RALGPS1: variants seen among roughly 807,000 people sequenced by gnomAD.
RALGPS1 encodes ras-specific guanine nucleotide-releasing factor RalGPS1.
RALGPS1 carries 19 observed loss-of-function variants against 78.8 expected under a neutral mutation model. The observed-to-expected ratio is 0.24, with a 90% CI of 0.17 to 0.35. The LOEUF (loss-of-function observed/expected upper bound fraction) is 0.35. RALGPS1 is among the 10% of genes least tolerant of loss of function. The pLI is 1.00. For synonymous variants in RALGPS1, 228 were observed against 256.3 expected, an observed-to-expected ratio of 0.89 and a Z score of 1.06; for missense variants, 454 against 688.3, an observed-to-expected ratio of 0.66 and a Z score of 3.81.
intron 13 of RALGPS1, among the ~76,000 whole-genome samples, chr9:127,198,550 T>C (rs2061458024): frequency 6.6e-6 from 1 of 152,114 alleles, no homozygotes; most frequent in African/African-American, 2.4e-5. Context: ...CTGCAGGGGC[T>C]CTCCCTTGAG....
chr9:126,943,446 T>A (rs2036965647), intron 1 of RALGPS1, among the ~76,000 whole-genome samples: 1 of 152,178 alleles, frequency 6.6e-6, no homozygotes, highest in Admixed American at 6.5e-5. Context: ...CCTGGCCTTA[T>A]GTTTTATTTA....
chr9:127,057,184 G>T (rs2048815331), intron 7 of RALGPS1, among the ~76,000 whole-genome samples: 1 of 152,214 alleles, frequency 6.6e-6, no homozygotes, highest in South Asian at 2.1e-4. Context: ...GAACCTGTGA[G>T]AGAATCAGGC....
chr9:127,191,355 T>G (rs2061021290), intron 11 of RALGPS1, among the ~76,000 whole-genome samples: 1 of 152,236 alleles, frequency 6.6e-6, no homozygotes, highest in South Asian at 2.1e-4. Flanking sequence ...GCTTTTCACA[T>G]TTGTGACATT....
chr9:126,923,774 A>C (rs1297122987), intron 1 of RALGPS1, among the ~76,000 whole-genome samples: 1 of 152,330 alleles, frequency 6.6e-6, no homozygotes, highest in South Asian at 2.1e-4. Flanking sequence ...GCCTCAAGCG[A>C]TCCTCCTGCC....
chr9:127,011,441 G>A lies in RALGPS1; in HGVS notation c.217-22990G>A, dbSNP rs371356920. 2.7e-3 allele frequency among the ~76,000 whole-genome samples: 418 copies of A among 152,284 alleles called. 2 individuals are homozygous for A. Among genetic ancestry groups the A allele is most frequent in the African/African-American group, 9.5e-3 (393 of 41,566 alleles). Reference sequence around the variant, plus strand: ...TGATCCGCCGCCTTGGACTCCCGTAGTGCTGGGATTACAGGCGTGAGCCAC... The same window carrying A: ...TGATCCGCCGCCTTGGACTCCCGTAATGCTGGGATTACAGGCGTGAGCCAC... On this transcript the variant is annotated intron_variant, in intron 4 of 18. Coordinates refer to ENST00000259351, the MANE Select transcript of RALGPS1 (RefSeq NM_014636.3).
At chr9:127,003,520 G>C (rs1469932436) in intron 4 of RALGPS1, among the ~76,000 whole-genome samples, 5 of 152,140 alleles carry the variant, frequency 3.3e-5, no homozygotes, top group Admixed American at 3.3e-4. Flanking sequence ...TCTCACACCA[G>C]TTAGAATGGC....
At chr9:127,112,404 AG>A (rs2054922304) in intron 8 of RALGPS1, among the ~76,000 whole-genome samples, 1 of 152,272 alleles carries the variant, frequency 6.6e-6, no homozygotes, top group Non-Finnish European at 1.5e-5. Context: ...CACCTGAGGC[AG>A]TGGGTGACAG....
At chr9:127,009,690 G>T (rs529840871) in intron 4 of RALGPS1, among the ~76,000 whole-genome samples, 33 of 152,134 alleles carry the variant, frequency 2.2e-4, no homozygotes, top group Admixed American at 7.2e-4. Context: ...TCACTTTTTT[G>T]AATCTCTGAG....
intron 5 of RALGPS1, among the ~76,000 whole-genome samples, chr9:127,041,424 C>T (rs918150214): frequency 6.6e-6 from 1 of 152,186 alleles, no homozygotes; most frequent in African/African-American, 2.4e-5. Context: ...TACCTAGGAA[C>T]ACAAGCTAGA....
chr9:127,150,866 G>A (rs576758016), intron 8 of RALGPS1, among the ~76,000 whole-genome samples: 3 of 152,264 alleles, frequency 2.0e-5, no homozygotes, highest in African/African-American at 7.2e-5. Context: ...AGGGAGTGTG[G>A]CTACAGTGGG....
chr9:127,062,377 T>C (rs2049295069), intron 7 of RALGPS1, among the ~76,000 whole-genome samples: 1 of 152,206 alleles, frequency 6.6e-6, no homozygotes, highest in South Asian at 2.1e-4. Flanking sequence ...GGATTAGAGG[T>C]GTGAGCTGCC....
intron 14 of RALGPS1, among the ~76,000 whole-genome samples, chr9:127,202,894 G>C (rs754997746): frequency 4.5e-4 from 68 of 152,166 alleles, no homozygotes; most frequent in Non-Finnish European, 4.6e-4. Flanking sequence ...AGGGAGGTGG[G>C]GAGGCGGCCG....
chr9:126,968,427 G>C (rs969765384), intron 3 of RALGPS1, among the ~76,000 whole-genome samples: 9 of 152,184 alleles, frequency 5.9e-5, no homozygotes, highest in African/African-American at 2.2e-4. Context: ...GGCAGAGCCA[G>C]GTCTGAAACT....
At chr9:127,189,028 C>A (rs1223422375) in intron 11 of RALGPS1, among the ~76,000 whole-genome samples, 13 of 132,878 alleles carry the variant, frequency 9.8e-5, no homozygotes, top group South Asian at 5.2e-4. Context: ...AAAAAAAAAA[C>A]CCCATTGGCT....
At chr9:127,063,060 A>G (rs1269740152) in intron 7 of RALGPS1, among the ~76,000 whole-genome samples, 1 of 152,210 alleles carries the variant, frequency 6.6e-6, no homozygotes, top group Non-Finnish European at 1.5e-5. Context: ...ATTTGGAGCA[A>G]CAGTCTCTTT....
intron 3 of RALGPS1, among the ~76,000 whole-genome samples, chr9:126,975,806 A>G (rs2040554111): frequency 6.6e-6 from 1 of 152,200 alleles, no homozygotes; most frequent in East Asian, 1.9e-4. Flanking sequence ...CTTGACATCA[A>G]GAGGTGTTGG....
At chr9:127,164,566 G>A (rs1184670379) in intron 8 of RALGPS1, among the ~76,000 whole-genome samples, 11 of 95,758 alleles carry the variant, frequency 1.1e-4, no homozygotes, top group Non-Finnish European at 2.1e-4. Context: ...TTGAGACAGA[G>A]TCTTGCTCTG....
intron 11 of RALGPS1, among the ~76,000 whole-genome samples, chr9:127,184,980 G>A (rs3780323): frequency 1.3e-5 from 2 of 152,214 alleles, no homozygotes; most frequent in African/African-American, 4.8e-5. Flanking sequence ...TGGGAACGAG[G>A]CTTCCCATCC....
intron 1 of RALGPS1, among the ~76,000 whole-genome samples, chr9:126,923,968 A>G (rs10819254): frequency 0.17 from 26,484 of 152,232 alleles, 3,041 homozygotes; most frequent in East Asian, 0.44. Context: ...CACTTTGGCA[A>G]TGAGCATCAC....
Sources: allele counts gnomAD v4.1 joint callset (sites outside exome capture counted in the v4.1 genomes callset), GRCh38; gene constraint gnomAD v4.1.1; transcripts MANE v1.5; gene names NCBI Gene and HGNC (gene_info 2026-07-23, HGNC 2026-07-21).